Variants in PASK observed in about 807,000 individuals in gnomAD.
The protein encoded by PASK is PAS domain-containing serine/threonine-protein kinase.
In PASK, 110 loss-of-function variants were observed where a neutral mutation model predicts 121.0. That is an observed-to-expected ratio of 0.91 (90% CI 0.78 to 1.06). The LOEUF is 1.06. PASK is among the 50% of genes least tolerant of loss of function. The pLI, the probability that PASK is intolerant of heterozygous loss-of-function variation, is 0.00. For synonymous variants in PASK, 686 were observed against 717.8 expected, an observed-to-expected ratio of 0.96 and a Z score of 0.71; for missense variants, 1,643 against 1,702.3, an observed-to-expected ratio of 0.97 and a Z score of 0.61.
At chr2:241,149,564 A>T, upstream of PASK, 1 of 1,274,148 alleles carries the variant, frequency 7.8e-7, no homozygotes, top group Non-Finnish European at 1.1e-6. Flanking sequence ...GGACTAAGCT[A>T]GCCAGAGTCT....
intron 11 of PASK, 48 bp from the exon 12 acceptor site, chr2:241,122,947 C>A: frequency 6.3e-7 from 1 of 1,581,454 alleles, no homozygotes; most frequent in South Asian, 1.1e-5. Flanking sequence ...CTGCACCGGG[C>A]AGAGGTGCAG....
Position 241,112,247 on chromosome 2 carries a change from C to T in PASK, c.3526G>A (p.Gly1176Arg). The part of the protein sequence containing the change: ...IEYCAPEVLM[G>R]NPYRGPELEM... ...CCGCAGCCGCATACGTACGGATTCC[C>T]CATGAGAACTTCCGGTGCACAGTAC... Residue 1176 changes from glycine (G) to arginine (R), a missense_variant, in exon 15 of 18, where the codon GGG becomes AGG. Gly to Arg is a moderately radical substitution (Grantham distance 125). Coordinates refer to ENST00000234040, the MANE Select transcript of PASK (RefSeq NM_015148.4). The surrounding 1 kb of genome is among the most constrained non-coding windows in gnomAD (Gnocchi z 5.2). 1 of 1,613,092 alleles carries T rather than the reference C, an allele frequency of 6.2e-7. No homozygotes were observed. Among genetic ancestry groups the T allele is most frequent in the Non-Finnish European group, 8.5e-7 (1 of 1,179,142 alleles).
intron 14 of PASK, 129 bp downstream of exon 14, chr2:241,114,914 G>T (rs2065263125): frequency 6.4e-7 from 1 of 1,571,346 alleles, no homozygotes; most frequent in South Asian, 1.2e-5. Flanking sequence ...CCTACTCCAT[G>T]AAATCCCCAC....
In PASK at chr2:241,122,794, G is replaced by T; in HGVS notation, c.3010C>A (p.Pro1004Thr). 6.2e-7 allele frequency: 1 copy of T among 1,614,184 alleles called. No individual in the cohort carries two copies. Among genetic ancestry groups the T allele is most frequent in the South Asian group, 1.1e-5 (1 of 91,080 alleles). Residue 1004 changes from proline (P) to threonine (T), a missense_variant, in exon 12 of 18, where the codon CCG becomes ACG. By Grantham distance (38) the Pro-to-Thr change is conservative (BLOSUM62 -1). Around this residue, in one of 3 missense-constraint regions of PASK, gnomAD observed 453 missense variants for 511.2 expected, o/e 0.89. Transcript: ENST00000234040. ...AAGCCGAAGGCCCCACTGCCCAGCG[G>T]GCTCATGGTACTGTACTTTTGGGAG... ...EYSQKYSTMS[P>T]LGSGAFGFVW...
At chr2:241,114,567 AT>A in intron 14 of PASK, 1 of 1,014,624 alleles carries the variant, frequency 9.9e-7, no homozygotes, top group Non-Finnish European at 1.2e-6. Context: ...TCAATATGTA[AT>A]TAGACACGAA....
chr2:241,147,448 T>C (rs1441616332), intron 1 of PASK, among the ~76,000 whole-genome samples: 2 of 151,782 alleles, frequency 1.3e-5, no homozygotes, highest in Non-Finnish European at 2.9e-5. Context: ...GGAGACCCCA[T>C]CTCTACAAAA....
At chr2:241,113,280 A>G (rs2065181058) in intron 14 of PASK, 2 of 152,250 alleles carry the variant, frequency 1.3e-5, no homozygotes, top group South Asian at 4.1e-4. Flanking sequence ...GTATCTTTCA[A>G]ATCAGGAGCA....
chr2:241,144,884 G>A (rs896556257), intron 1 of PASK, among the ~76,000 whole-genome samples: 2 of 152,138 alleles, frequency 1.3e-5, no homozygotes, highest in African/African-American at 2.4e-5. Context: ...TCCAGTCTCC[G>A]CCTTCGCCAT....
At chr2:241,149,729 C>T (rs1313000665), upstream of PASK, 2 of 1,547,198 alleles carry the variant, frequency 1.3e-6, no homozygotes, top group Non-Finnish European at 1.7e-6. Context: ...CAGAGCTCGC[C>T]TCTTGGAGGC....
intron 9 of PASK, among the ~76,000 whole-genome samples, chr2:241,131,137 A>G (rs1229796328): frequency 6.6e-6 from 1 of 151,058 alleles, no homozygotes; most frequent in East Asian, 2.0e-4. Flanking sequence ...AAAAACACAT[A>G]TGCATGTATT....
chr2:241,113,566 C>A (rs1369204476), intron 14 of PASK: 1 of 227,858 alleles, frequency 4.4e-6, no homozygotes, highest in Non-Finnish European at 7.3e-6. Context: ...TGCATACATA[C>A]TTACATATAT....
At chr2:241,146,128 T>TA (rs1352417746) in intron 1 of PASK, among the ~76,000 whole-genome samples, 1 of 152,040 alleles carries the variant, frequency 6.6e-6, no homozygotes, top group Non-Finnish European at 1.5e-5. Context: ...CATGGCCCAA[T>TA]AAAAAATGTC....
upstream of PASK, chr2:241,149,595 G>A: frequency 6.7e-7 from 1 of 1,495,472 alleles, no homozygotes; most frequent in East Asian, 2.5e-5. Context: ...GCTAAGGGTT[G>A]CTAGGGACGC....
At position 241,108,305 on chromosome 2, in the gene PASK, G is replaced by A; in HGVS notation, c.3534-5C>T. ...TCCAGCTCCGGCCCTCTGTAGCTGT[G>A]AGGAGGAGGAGGCATCAGGACGCCA... On this transcript the variant is annotated splice_region_variant and splice_polypyrimidine_tract_variant and intron_variant, in intron 15 of 17. Coordinates refer to ENST00000234040, the MANE Select transcript of PASK (RefSeq NM_015148.4). The surrounding 1 kb of genome is among the most constrained non-coding windows in gnomAD (Gnocchi z 5.2). 5.0e-6 allele frequency: 8 copies of A among 1,611,782 alleles called. No homozygotes were observed. Among genetic ancestry groups the A allele is most frequent in the African/African-American group, 1.3e-5 (1 of 74,976 alleles).
At chr2:241,136,371 C>T (rs1018545819) in intron 7 of PASK, among the ~76,000 whole-genome samples, 3 of 152,236 alleles carry the variant, frequency 2.0e-5, no homozygotes, top group Non-Finnish European at 2.9e-5. Context: ...TCACCTCACG[C>T]GGCTCACTGG....
Position 241,149,413 on chromosome 2 carries a change from C to T in PASK, c.-43+1G>A, listed in dbSNP as rs2067174820. On this transcript the variant is annotated splice_donor_variant, in intron 1 of 17. Transcript: ENST00000234040. LOFTEE classifies it low-confidence loss of function (5UTR_SPLICE). ...CGCTCTCCCGAGCGCAGGTATCTCA[C>T]CTGGATCAGGCGAGGGTCACGCCAA... 5.9e-6 allele frequency: 3 copies of T among 507,902 alleles called. No individual in the cohort carries two copies. Among genetic ancestry groups the T allele is most frequent in the South Asian group, 2.3e-5 (1 of 43,012 alleles). The allele number at this position is 507,902 out of a possible 1,614,324, so 31.5% of individuals were successfully genotyped here. A position where few individuals can be genotyped will look rare whatever the true frequency, so the allele number is the denominator to read the frequency against.
chr2:241,148,518 G>C (rs537978079), intron 1 of PASK, among the ~76,000 whole-genome samples: 2 of 152,328 alleles, frequency 1.3e-5, no homozygotes, highest in South Asian at 4.1e-4. Flanking sequence ...AAGCCTCCCA[G>C]AGAGGAGTTC....
At position 241,137,248 on chromosome 2, in the gene PASK, C is replaced by T; in HGVS notation, c.893G>A (p.Arg298Lys). The change falls in exon 7 of 18, where the codon AGG (arginine) becomes AAG (lysine). Residue 298 changes from arginine to lysine, a missense_variant. By Grantham distance (26) the Arg-to-Lys change is conservative. Coordinates refer to ENST00000234040, the MANE Select transcript of PASK (RefSeq NM_015148.4). ...QHIPKNLKIQ[R>K]SVGRARDGTT... ...ACCGTCCCTGGCTCTTCCAACAGAC[C>T]TCTGAATCTTGAGATTCTGAAAGAA... The T allele has an allele frequency of 1.2e-6, 2 of 1,613,586 alleles. No individual in the cohort carries two copies. The highest frequency in any genetic ancestry group is 2.2e-5 in the East Asian group (1 of 44,888).
chr2:241,139,795 G>T, intron 4 of PASK, 90 bp downstream of exon 4: 1 of 1,263,780 alleles, frequency 7.9e-7, no homozygotes, highest in Non-Finnish European at 1.1e-6. Context: ...CCAACCCCCA[G>T]CAGAGCTCCT....
Sources: allele counts gnomAD v4.1 joint callset (sites outside exome capture counted in the v4.1 genomes callset), GRCh38; gene constraint gnomAD v4.1.1; regional missense constraint gnomAD v4.1.1; non-coding constraint Gnocchi (gnomAD v3.1); transcripts MANE v1.5; gene names NCBI Gene and HGNC (gene_info 2026-07-23, HGNC 2026-07-21).